The following NIN variants were observed in gnomAD, a reference collection of about 807,000 sequenced individuals.
NIN encodes the protein glycogen synthase kinase 3 beta-interacting protein.
NIN carries 137 observed loss-of-function variants against 257.6 expected under a neutral mutation model. The observed-to-expected ratio is 0.53, with a 90% CI of 0.46 to 0.61. NIN has a LOEUF of 0.61. Among genes scored for constraint, NIN ranks in the 20% least tolerant of loss-of-function variants. The pLI is 0.00. For synonymous variants in NIN, 918 were observed against 919.8 expected (o/e 1.00, Z 0.04); for missense variants, 2,439 against 2,501.2 (o/e 0.98, Z 0.53).
At chr14:50,824,320 T>C (rs1394123330) in intron 2 of NIN, among the ~76,000 whole-genome samples, 1 of 152,200 alleles carries the variant, frequency 6.6e-6, no homozygotes, top group Non-Finnish European at 1.5e-5. Flanking sequence ...TGGGAGGTCA[T>C]TGGATTTTCA....
Position 50,731,559 on chromosome 14 carries a change from C to T in NIN, c.5878-1836G>A, listed in dbSNP as rs116211533. Among the ~76,000 whole-genome samples the T allele has an allele frequency of 7.2e-3, 1,061 of 147,034 alleles. 6 individuals carry two copies. The highest frequency in any genetic ancestry group is 0.025 in the African/African-American group (1,001 of 39,686). ...AAAAAAAAAAAAAAAAATTAGGTCG[C>T]GTATGGTGGCTCACGCCTGTAATCC... On this transcript the variant is annotated intron_variant, in intron 28 of 30. Transcript: ENST00000530997.
chr14:50,731,184 TCTTCA>T (rs1205067038), intron 28 of NIN, among the ~76,000 whole-genome samples: 1 of 152,210 alleles, frequency 6.6e-6, no homozygotes, highest in Non-Finnish European at 1.5e-5. Flanking sequence ...TACAAGTGCA[TCTTCA>T]CTTACTGTAT....
intron 25 of NIN, among the ~76,000 whole-genome samples, chr14:50,740,627 C>T (rs1178825230): frequency 1.3e-5 from 2 of 152,218 alleles, no homozygotes; most frequent in East Asian, 1.9e-4. Context: ...GGATTACAAG[C>T]GTGAGCCACC....
rs1225452388 is a variant in NIN, at chr14:50,719,933, C to T, written c.*3530G>A. 2.8e-5 allele frequency: 6 copies of T among 212,726 alleles called. No homozygotes were observed. The highest frequency in any genetic ancestry group is 1.1e-4 in the African/African-American group (5 of 44,190). 13.2% of individuals were successfully genotyped at this position (212,726 alleles called of 1,614,324 possible). On this transcript the variant is annotated 3_prime_UTR_variant, in exon 31 of 31. Coordinates refer to ENST00000530997, the MANE Select transcript of NIN (RefSeq NM_020921.4). ...AAACACAGAACTCATTAATCTTTAT[C>T]TGAACAGAAACATAGAGATGGCTTT...
rs115184542 is a variant in NIN at position 50,737,075 on chromosome 14, A to T, written c.5775+1065T>A. On this transcript the variant is annotated intron_variant, in intron 27 of 30. Coordinates refer to ENST00000530997, the MANE Select transcript of NIN (RefSeq NM_020921.4). ...ACACCCTTATACAGTCCTCTCCCAC[A>T]CTATACTAGGGTTAGTCTGCGTGAC... Among the ~76,000 whole-genome samples, 869 of 152,252 alleles carry T rather than the reference A, an allele frequency of 5.7e-3. 10 individuals carry two copies. Among genetic ancestry groups the T allele is most frequent in the African/African-American group, 0.02 (817 of 41,548 alleles).
chr14:50,799,183 T>C (rs1439969794), intron 4 of NIN, among the ~76,000 whole-genome samples: 2 of 152,348 alleles, frequency 1.3e-5, no homozygotes, highest in Middle Eastern at 3.4e-3. Context: ...GACCTGGACC[T>C]GGACACAGAG....
Position 50,748,031 on chromosome 14 carries a change from T to C in NIN, c.5025A>G (p.Glu1675=), listed in dbSNP as rs1173501215. The change falls in exon 22 of 31, where the codon GAA becomes GAG. Residue 1675 remains glutamate, a synonymous_variant. Transcript: ENST00000530997. ...CCAGTTCATCTTTGAGAAGGTGGTTTTCCTGTTGCACAATATGGGTCTGTA... is the reference window on the plus strand; with the variant it reads ...CCAGTTCATCTTTGAGAAGGTGGTTCTCCTGTTGCACAATATGGGTCTGTA... ...VKIQTHIVQQ[E]NHLLKDELEK... The C allele has an allele frequency of 6.2e-7, 1 of 1,613,908 alleles. No homozygotes were observed. The highest frequency in any genetic ancestry group is 8.5e-7 in the Non-Finnish European group (1 of 1,179,892).
chr14:50,734,440 T>C (rs921252273), intron 28 of NIN, among the ~76,000 whole-genome samples: 1 of 152,220 alleles, frequency 6.6e-6, no homozygotes, highest in African/African-American at 2.4e-5. Context: ...TACACAGTAC[T>C]TTTTAAGAGC....
intron 3 of NIN, among the ~76,000 whole-genome samples, chr14:50,815,136 T>C (rs1225686143): frequency 6.6e-6 from 1 of 152,202 alleles, no homozygotes; most frequent in Non-Finnish European, 1.5e-5. Context: ...TTTTGCAATC[T>C]ATCCATCTGA....
intron 29 of NIN, chr14:50,727,359 G>A (rs2140323960): frequency 1.0e-6 from 1 of 994,354 alleles, no homozygotes; most frequent in Non-Finnish European, 1.2e-6. Flanking sequence ...AGTACCTTTG[G>A]TTAAAAATAG....
rs2040288806 is a variant in NIN at position 50,722,399 on chromosome 14, C to G, written c.*1064G>C. On this transcript the variant is annotated 3_prime_UTR_variant, in exon 31 of 31. Coordinates refer to ENST00000530997, the MANE Select transcript of NIN (RefSeq NM_020921.4). Reference sequence around the variant, plus strand: ...AGGTTTTTAACCCTAAAATCAAGGCCTTTTTTCCCCCAGAATATTAAATTT... The same window carrying G: ...AGGTTTTTAACCCTAAAATCAAGGCGTTTTTTCCCCCAGAATATTAAATTT... 1 of 212,654 alleles carries G rather than the reference C, an allele frequency of 4.7e-6. No homozygotes were observed. Among genetic ancestry groups the G allele is most frequent in the Non-Finnish European group, 9.5e-6 (1 of 104,876 alleles). The allele number at this position is 212,654 out of a possible 1,614,324, so 13.2% of individuals were successfully genotyped here.
At chr14:50,754,525 A>C (rs758267814) in intron 20 of NIN, 38 bp downstream of exon 20, 3 of 1,534,780 alleles carry the variant, frequency 2.0e-6, no homozygotes, top group Non-Finnish European at 2.7e-6. Context: ...AAAATTTTGG[A>C]ATCAAAAAAC....
upstream of NIN, among the ~76,000 whole-genome samples, chr14:50,831,351 G>A (rs1349115035): frequency 6.6e-6 from 1 of 152,132 alleles, no homozygotes; most frequent in African/African-American, 2.4e-5. Context: ...CCGGGTGCGG[G>A]TGTAGGAGGC....
intron 2 of NIN, among the ~76,000 whole-genome samples, chr14:50,825,922 T>C (rs960769285): frequency 6.6e-6 from 1 of 152,260 alleles, no homozygotes; most frequent in Non-Finnish European, 1.5e-5. Flanking sequence ...GATATACAGA[T>C]AGAATACACA....
Position 50,752,782 on chromosome 14 carries a change from TAA to T in NIN, c.4735-51_4735-50del, listed in dbSNP as rs3083537. ...TTCAAACTTGTTACCCTACTTGTGC[TAA>T]AAAAAAAAAAAAACAGATTTAGAGA... On this transcript the variant is annotated intron_variant, in intron 20 of 30. Coordinates refer to ENST00000530997, the MANE Select transcript of NIN (RefSeq NM_020921.4). 57,400 of 678,028 alleles carry T rather than the reference TAA, an allele frequency of 0.085. No homozygotes were observed. Among genetic ancestry groups the T allele is most frequent in the East Asian group, 0.13 (3,977 of 31,038 alleles). The allele number at this position is 678,028 out of a possible 1,614,324, so 42.0% of individuals were successfully genotyped here.
In NIN at chr14:50,756,655, T is replaced by G. The variant is rs779537672; in HGVS notation, c.4375A>C (p.Thr1459Pro). ...ATIAELELEK[T>P]KLQELTRKLK... ...TTCCTAGTCAGCTCCTGTAACTTTG[T>G]TTTCTCCAGTTCTAACTCTGCTATG... is the stretch of plus-strand genomic sequence containing the variant. Residue 1459 changes from threonine to proline, a missense_variant, in exon 18 of 31, where the codon ACA becomes CCA. Coordinates refer to ENST00000530997, the MANE Select transcript of NIN (RefSeq NM_020921.4). The G allele has an allele frequency of 1.9e-5, 30 of 1,553,014 alleles. No homozygotes were observed. The highest frequency in any genetic ancestry group is 2.5e-5 in the Non-Finnish European group (29 of 1,147,610).
In NIN at chr14:50,819,473, C is replaced by T. The variant is rs561486398; in HGVS notation, c.183+2401G>A. On this transcript the variant is annotated intron_variant, in intron 3 of 30. Coordinates refer to ENST00000530997, the MANE Select transcript of NIN (RefSeq NM_020921.4). ...ATAAGGGGTTTCCCCTTTTGCTCGG[C>T]TTTCATTCTGTCTTGCCTGCCACCA... 3.3e-5 allele frequency among the ~76,000 whole-genome samples: 5 copies of T among 152,322 alleles called. No homozygotes were observed. In the South Asian group the frequency reaches 6.2e-4, roughly 19 times the overall value.
intron 5 of NIN, among the ~76,000 whole-genome samples, chr14:50,784,187 C>T (rs1459110498): frequency 3.3e-5 from 5 of 152,178 alleles, no homozygotes; most frequent in Admixed American, 2.0e-4. Context: ...TTTCTGTGAC[C>T]CCTCAGTACC....
Position 50,754,559 on chromosome 14 carries a change from T to A in NIN, c.4734+4A>T. On this transcript the variant is annotated splice_donor_region_variant and intron_variant, in intron 20 of 30. Coordinates refer to ENST00000530997, the MANE Select transcript of NIN (RefSeq NM_020921.4). Reference sequence around the variant, plus strand: ...ACATTGAGAAATATTAAGTATTTCCTTACCTGTTTCTTTAAATTTTCAACC... The same window carrying A: ...ACATTGAGAAATATTAAGTATTTCCATACCTGTTTCTTTAAATTTTCAACC... 1 of 1,597,042 alleles carries A rather than the reference T, an allele frequency of 6.3e-7. No homozygotes were observed.
Sources: allele counts gnomAD v4.1 joint callset (sites outside exome capture counted in the v4.1 genomes callset), GRCh38; gene constraint gnomAD v4.1.1; transcripts MANE v1.5; gene names NCBI Gene and HGNC (gene_info 2026-07-23, HGNC 2026-07-21).